Variants in AP3B1 observed in about 807,000 individuals in gnomAD.
The protein encoded by AP3B1 is AP-3 complex subunit beta-1.
AP3B1 carries 61 observed loss-of-function variants against 132.5 expected under a neutral mutation model. The ratio of observed to expected loss-of-function variants is 0.46; its 90% CI spans 0.37 to 0.57. The LOEUF (loss-of-function observed/expected upper bound fraction) is 0.57, where lower values mean the gene tolerates loss of function less well. AP3B1 is among the 20% of genes least tolerant of loss of function. The pLI, the probability that AP3B1 is intolerant of heterozygous loss-of-function variation, is 0.00. For synonymous variants in AP3B1, 388 were observed against 438.3 expected (o/e 0.89, Z 1.43); for missense variants, 1,120 against 1,289.4 (o/e 0.87, Z 2.01).
intron 22 of AP3B1, among the ~76,000 whole-genome samples, chr5:78,059,848 T>A (rs1206645329): frequency 6.6e-5 from 10 of 152,164 alleles, no homozygotes; most frequent in African/African-American, 2.4e-4. Context: ...ACCCCCTTTA[T>A]TTAGTATGAA....
intron 1 of AP3B1, among the ~76,000 whole-genome samples, chr5:78,280,056 G>C (rs1748984624): frequency 2.1e-5 from 3 of 141,586 alleles, no homozygotes; most frequent in African/African-American, 7.7e-5. Context: ...CTGGGCGACA[G>C]GGTGAGACTC....
intron 2 of AP3B1, among the ~76,000 whole-genome samples, chr5:78,242,668 A>G (rs1747192063): frequency 6.6e-6 from 1 of 152,208 alleles, no homozygotes; most frequent in African/African-American, 2.4e-5. Context: ...CGGCCTCCCA[A>G]ACTGCTGGGA....
intron 2 of AP3B1, among the ~76,000 whole-genome samples, chr5:78,258,997 A>T (rs1580555973): frequency 6.6e-6 from 1 of 151,992 alleles, no homozygotes; most frequent in Admixed American, 6.6e-5. Flanking sequence ...CAGCACTTTG[A>T]GAGGCCAAGG....
chr5:78,258,447 C>T (rs1747940578), intron 2 of AP3B1, among the ~76,000 whole-genome samples: 1 of 152,164 alleles, frequency 6.6e-6, no homozygotes, highest in Non-Finnish European at 1.5e-5. Flanking sequence ...CTGAACATCA[C>T]TGATCATCAA....
chr5:78,056,143 C>A (rs1002069519), intron 22 of AP3B1, among the ~76,000 whole-genome samples: 6 of 152,114 alleles, frequency 3.9e-5, no homozygotes, highest in Admixed American at 2.0e-4. Flanking sequence ...ATGAATACCA[C>A]TTTTTTAAAA....
At position 78,015,564 on chromosome 5, in the gene AP3B1, A is replaced by C. The variant is rs1283674608; in HGVS notation, c.2993-16T>G. 6.2e-7 allele frequency: 1 copy of C among 1,612,880 alleles called. No individual in the cohort carries two copies. The highest frequency in any genetic ancestry group is 8.5e-7 in the Non-Finnish European group (1 of 1,179,390). On this transcript the variant is annotated splice_polypyrimidine_tract_variant and intron_variant, in intron 25 of 26. Coordinates refer to ENST00000255194, the MANE Select transcript of AP3B1 (RefSeq NM_003664.5). ...GTTAGCACTCCTGTAAAAGCAAAAG[A>C]AGGCTCCCTTTTATTAATTTCTTTT...
intron 7 of AP3B1, among the ~76,000 whole-genome samples, chr5:78,214,710 G>A (rs887495893): frequency 6.6e-6 from 1 of 152,020 alleles, no homozygotes; most frequent in Non-Finnish European, 1.5e-5. Context: ...AAAGGGCCAG[G>A]ACATTTTCAT....
intron 22 of AP3B1, among the ~76,000 whole-genome samples, chr5:78,041,289 A>G (rs1444728198): frequency 6.6e-6 from 1 of 151,296 alleles, no homozygotes; most frequent in Non-Finnish European, 1.5e-5. Flanking sequence ...AAAAAAAAAA[A>G]TCATCACCTC....
At chr5:78,163,042 T>A (rs770884940) in intron 12 of AP3B1, 91 bp from the exon 13 acceptor site, 1 of 1,214,872 alleles carries the variant, frequency 8.2e-7, no homozygotes, top group Non-Finnish European at 1.2e-6. Context: ...TATATAAGAA[T>A]TCCAGAATAC....
chr5:78,127,912 A>G, intron 17 of AP3B1, 118 bp downstream of exon 17: 1 of 1,204,034 alleles, frequency 8.3e-7, no homozygotes, highest in Admixed American at 1.8e-5. Flanking sequence ...CATTACATTT[A>G]GAAATACTAG....
intron 22 of AP3B1, chr5:78,087,760 T>C (rs1750324987): frequency 1.1e-6 from 1 of 897,016 alleles, no homozygotes; most frequent in South Asian, 5.1e-5. Flanking sequence ...ACTACAAGCT[T>C]TTCTAATCTC....
chr5:78,276,428 G>C (rs1280393707), intron 1 of AP3B1, among the ~76,000 whole-genome samples: 1 of 152,116 alleles, frequency 6.6e-6, no homozygotes, highest in Non-Finnish European at 1.5e-5. Context: ...TGCAGCTAAA[G>C]CAATATTTAG....
chr5:78,090,309 T>G (rs142910234), intron 21 of AP3B1, among the ~76,000 whole-genome samples: 82 of 152,372 alleles, frequency 5.4e-4, no homozygotes, highest in African/African-American at 1.9e-3. Flanking sequence ...AAACTTTGCA[T>G]AATTTAAGTA....
intron 21 of AP3B1, 73 bp downstream of exon 21, chr5:78,100,880 A>C: frequency 1.1e-6 from 1 of 871,772 alleles, no homozygotes; most frequent in Non-Finnish European, 1.8e-6. Context: ...GGGACATGTA[A>C]ATGAAAGGTA....
At chr5:78,234,724 T>C (rs766884536) in intron 3 of AP3B1, among the ~76,000 whole-genome samples, 1 of 152,236 alleles carries the variant, frequency 6.6e-6, no homozygotes, top group Non-Finnish European at 1.5e-5. Flanking sequence ...ACTTATTACA[T>C]TGCTTGGCAT....
intron 7 of AP3B1, among the ~76,000 whole-genome samples, chr5:78,187,499 G>C (rs961266638): frequency 1.3e-5 from 2 of 152,032 alleles, no homozygotes; most frequent in Non-Finnish European, 2.9e-5. Flanking sequence ...CATATGTATT[G>C]CTTATTTTGC....
At chr5:78,175,056 C>T (rs1290573903) in intron 11 of AP3B1, among the ~76,000 whole-genome samples, 8 of 152,362 alleles carry the variant, frequency 5.3e-5, no homozygotes, top group Middle Eastern at 3.4e-3. Context: ...CCTTGTCTGC[C>T]GGTTGCTAAG....
At chr5:78,192,970 A>C (rs1439109223) in intron 7 of AP3B1, among the ~76,000 whole-genome samples, 3 of 152,208 alleles carry the variant, frequency 2.0e-5, no homozygotes, top group East Asian at 3.8e-4. Flanking sequence ...ACAGTAGCCC[A>C]AACTAAGACA....
At chr5:78,013,122 C>T (rs145328790) in intron 26 of AP3B1, among the ~76,000 whole-genome samples, 1 of 152,134 alleles carries the variant, frequency 6.6e-6, no homozygotes, top group African/African-American at 2.4e-5. Context: ...CAGCTCACTA[C>T]AGCCTTGACC....
Sources: gnomAD v4.1 joint callset for allele counts (sites outside exome capture counted in the v4.1 genomes callset) on GRCh38, gnomAD v4.1.1 for gene constraint, MANE v1.5 for transcripts, NCBI Gene and HGNC (gene_info 2026-07-23, HGNC 2026-07-21) for gene names.